The following PCDHGA9 variants were observed in gnomAD, a reference collection of about 807,000 sequenced individuals.
The protein encoded by PCDHGA9 is protocadherin gamma subfamily A, 9, also known as protocadherin gamma-A9.
A neutral mutation model predicts 62.5 loss-of-function variants in PCDHGA9; 37 were observed. The observed-to-expected ratio is 0.59, with a 90% confidence interval of 0.46 to 0.78. The LOEUF (loss-of-function observed/expected upper bound fraction) is 0.78, where lower values mean the gene tolerates loss of function less well. Ranked by LOEUF, PCDHGA9 falls within the 30% of genes least tolerant of loss-of-function variation. The probability of loss-of-function intolerance (pLI) is 0.00; values close to 1 mark genes in which losing one functional copy is unlikely to be tolerated. For missense variants in PCDHGA9, 1,138 were observed against 1,166.2 expected, an observed-to-expected ratio of 0.98 and a Z score of 0.35; for synonymous variants, 459 against 484.6, an observed-to-expected ratio of 0.95 and a Z score of 0.69.
intron 1 of PCDHGA9, among the ~76,000 whole-genome samples, chr5:141,480,949 G>A (rs949853273): frequency 2.0e-4 from 30 of 152,136 alleles, no homozygotes; most frequent in African/African-American, 4.6e-4. Flanking sequence ...AGAGGCTGAG[G>A]CGGAAGCATC....
intron 1 of PCDHGA9, among the ~76,000 whole-genome samples, chr5:141,406,174 G>A (rs990967391): frequency 2.6e-5 from 4 of 151,264 alleles, no homozygotes; most frequent in African/African-American, 9.7e-5. Flanking sequence ...CTGGGCTTAT[G>A]CAATCCTCCC....
At chr5:141,413,501 G>A (rs772110374) in intron 1 of PCDHGA9, 1 of 1,614,040 alleles carries the variant, frequency 6.2e-7, no homozygotes, top group Non-Finnish European at 8.5e-7. Context: ...TGCGTGGTGA[G>A]TTTTAATATC....
chr5:141,408,609 AG>A, intron 1 of PCDHGA9: 3 of 1,614,088 alleles, frequency 1.9e-6, no homozygotes, highest in Non-Finnish European at 1.7e-6. Context: ...TTTGATAAAA[AG>A]GAAATACATT....
intron 1 of PCDHGA9, chr5:141,410,151 G>A: frequency 6.2e-7 from 1 of 1,613,018 alleles, no homozygotes; most frequent in Non-Finnish European, 8.5e-7. Flanking sequence ...CGTGACGGTG[G>A]ACAGCCGCCA....
At chr5:141,449,137 A>C (rs1257120647) in intron 1 of PCDHGA9, among the ~76,000 whole-genome samples, 1 of 152,176 alleles carries the variant, frequency 6.6e-6, no homozygotes, top group Non-Finnish European at 1.5e-5. Context: ...AATGGAATTG[A>C]AATTGCTGGG....
At chr5:141,410,177 A>G in intron 1 of PCDHGA9, 1 of 1,613,626 alleles carries the variant, frequency 6.2e-7, no homozygotes, top group Non-Finnish European at 8.5e-7. Context: ...TGCCACCGCC[A>G]CGCTTCATCT....
At chr5:141,483,919 G>T (rs912152955) in intron 1 of PCDHGA9, among the ~76,000 whole-genome samples, 2 of 151,008 alleles carry the variant, frequency 1.3e-5, no homozygotes, top group South Asian at 2.1e-4. Flanking sequence ...CACTCAGATT[G>T]CAGGTCGTAG....
intron 1 of PCDHGA9, chr5:141,478,026 C>G: frequency 6.2e-7 from 1 of 1,614,180 alleles, no homozygotes; most frequent in Non-Finnish European, 8.5e-7. Flanking sequence ...GTCCAAGACA[C>G]AGATTCACCC....
chr5:141,469,499 C>T lies in PCDHGA9; in HGVS notation c.2425-25308C>T, dbSNP rs1023274165. Among the ~76,000 whole-genome samples, 22 of 152,128 alleles carry T rather than the reference C, an allele frequency of 1.4e-4. 1 individual carries two copies. The highest frequency in any genetic ancestry group is 3.9e-4 in the African/African-American group (16 of 41,510). On this transcript the variant is annotated intron_variant, in intron 1 of 3. Coordinates refer to ENST00000573521, the MANE Select transcript of PCDHGA9 (RefSeq NM_018921.3). ...CTGAGGCAGGAGAATCGCTTGAACC[C>T]GGGAGGTGGAGGTTGCAGTGAGCCA...
chr5:141,428,040 G>T, intron 1 of PCDHGA9: 1 of 1,608,668 alleles, frequency 6.2e-7, no homozygotes, highest in Non-Finnish European at 8.5e-7. Flanking sequence ...CGGCTACCTG[G>T]TGACCAAGGT....
chr5:141,437,484 T>C (rs547317864), intron 1 of PCDHGA9, among the ~76,000 whole-genome samples: 2 of 152,332 alleles, frequency 1.3e-5, no homozygotes, highest in South Asian at 4.1e-4. Flanking sequence ...ATATTTAATC[T>C]CGTAGATCAC....
At position 141,432,207 on chromosome 5, in the gene PCDHGA9, A is replaced by G. The variant is rs1181424938; in HGVS notation, c.2424+26831A>G. 3 of 1,614,176 alleles carry G rather than the reference A, an allele frequency of 1.9e-6. No homozygotes were observed. The highest frequency in any genetic ancestry group is 2.5e-6 in the Non-Finnish European group (3 of 1,180,026). ...ACCGCCCACGACCCCGACTGTGAAG[A>G]GAACGCCCAGATCACTTATTCCCTG... On this transcript the variant is annotated intron_variant, in intron 1 of 3. Transcript: ENST00000573521. The surrounding 1 kb of genome is among the most constrained non-coding windows in gnomAD (Gnocchi z 6.0).
chr5:141,434,964 T>C (rs2154556462), intron 1 of PCDHGA9, among the ~76,000 whole-genome samples: 1 of 152,004 alleles, frequency 6.6e-6, no homozygotes, highest in East Asian at 1.9e-4. Context: ...ATTTATAAAA[T>C]TACTTTGTTA....
At chr5:141,438,627 TATATATATAC>T (rs572501359) in intron 1 of PCDHGA9, among the ~76,000 whole-genome samples, 778 of 47,938 alleles carry the variant, frequency 0.016, 4 homozygotes, top group East Asian at 0.059. Context: ...TATATATATA[TATATATATAC>T]ACACACACAC....
In PCDHGA9 at chr5:141,491,049, G is replaced by A. The variant is rs369146505; in HGVS notation, c.2425-3758G>A. Reference sequence around the variant, plus strand: ...TGGATGCTGATGCAGGCCACAATGCGTGGCTCTCCTACTCACTGTTGCCAC... The same window carrying A: ...TGGATGCTGATGCAGGCCACAATGCATGGCTCTCCTACTCACTGTTGCCAC... On this transcript the variant is annotated intron_variant, in intron 1 of 3. Coordinates refer to ENST00000573521, the MANE Select transcript of PCDHGA9 (RefSeq NM_018921.3). This position sits in a 1 kb window ranked among gnomAD's most constrained non-coding sequence, Gnocchi z 6.9. The A allele has an allele frequency of 3.3e-5, 53 of 1,614,116 alleles. No individual in the cohort carries two copies. The African/African-American group carries it at 5.5e-4, about 17-fold the overall frequency.
At chr5:141,488,784 T>C (rs116057353) in intron 1 of PCDHGA9, among the ~76,000 whole-genome samples, 1 of 152,248 alleles carries the variant, frequency 6.6e-6, no homozygotes, top group African/African-American at 2.4e-5. Flanking sequence ...TTGTATCACT[T>C]TGTCTTCCCT....
chr5:141,420,933 T>C (rs1227912236), intron 1 of PCDHGA9: 1 of 375,320 alleles, frequency 2.7e-6, no homozygotes, highest in African/African-American at 2.1e-5. Context: ...GTGAGCGTAA[T>C]CATTTCTTCT....
chr5:141,416,650 A>G (rs935670434), intron 1 of PCDHGA9: 2 of 152,238 alleles, frequency 1.3e-5, no homozygotes, highest in Admixed American at 6.5e-5. Context: ...CCACAGCTGT[A>G]AAAAAGAAAA....
chr5:141,409,906 T>G (rs779572711), intron 1 of PCDHGA9: 2 of 1,613,096 alleles, frequency 1.2e-6, no homozygotes, highest in African/African-American at 2.7e-5. Flanking sequence ...CAGCTCTGGG[T>G]CCTGACGGCT....
Sources: gnomAD v4.1 joint callset for allele counts (sites outside exome capture counted in the v4.1 genomes callset) on GRCh38, gnomAD v4.1.1 for gene constraint, Gnocchi (gnomAD v3.1) non-coding constraint, MANE v1.5 for transcripts, NCBI Gene and HGNC (gene_info 2026-07-23, HGNC 2026-07-21) for gene names.